FLCN: variants seen among roughly 807,000 people sequenced by gnomAD.
The protein encoded by FLCN is folliculin, also known as BHD skin lesion fibrofolliculoma protein.
Under a neutral mutation model 62.5 loss-of-function variants are expected in FLCN, and 22 were observed. The observed-to-expected ratio is 0.35, with a 90% CI of 0.25 to 0.50. FLCN has a LOEUF of 0.50. Among genes scored for constraint, FLCN ranks in the 20% least tolerant of loss-of-function variants. FLCN has a pLI of 0.97. For missense variants in FLCN, 657 were observed against 778.0 expected, an observed-to-expected ratio of 0.84 and a Z score of 1.85; for synonymous variants, 319 against 310.0, an observed-to-expected ratio of 1.03 and a Z score of -0.30.
chr17:17,227,796 A>AC (rs2047297465), intron 4 of FLCN, 93 bp downstream of exon 4: 2 of 1,575,358 alleles, frequency 1.3e-6, no homozygotes, highest in African/African-American at 2.7e-5. Context: ...AGTCTGTGTC[A>AC]CCCCGGGAGG....
chr17:17,223,454 C>A (rs559485169), intron 6 of FLCN, among the ~76,000 whole-genome samples: 1 of 152,182 alleles, frequency 6.6e-6, no homozygotes, highest in African/African-American at 2.4e-5. Context: ...GCAAGCAGAG[C>A]CCCACTCTCC....
intron 6 of FLCN, 115 bp downstream of exon 6, chr17:17,223,807 C>T (rs1353027183): frequency 1.9e-6 from 2 of 1,043,940 alleles, no homozygotes; most frequent in Admixed American, 2.0e-5. Flanking sequence ...ACACAGTGCA[C>T]TGGCTGTAAG....
chr17:17,226,112 C>T (rs765544542), intron 5 of FLCN, 64 bp downstream of exon 5: 2 of 1,609,828 alleles, frequency 1.2e-6, no homozygotes, highest in Non-Finnish European at 1.7e-6. Context: ...GCTCCGAGCC[C>T]ACCCAGAGCA....
intron 9 of FLCN, chr17:17,217,455 GTTAACT>G (rs2046960852): frequency 2.0e-6 from 1 of 511,290 alleles, no homozygotes; most frequent in African/African-American, 1.9e-5. Flanking sequence ...GCAAAAAGAT[GTTAACT>G]TTGTGCAATA....
rs761986268 is a variant in FLCN, at chr17:17,215,125, C to T, written c.1433-35G>A. On this transcript the variant is annotated intron_variant, in intron 12 of 13. Transcript: ENST00000285071. ...AGGGCAGGGGCAGAGCAAGGGCAGG[C>T]GTTAGCGCGGGGCGGGGGCATCTTC... 35 of 1,613,542 alleles carry T rather than the reference C, an allele frequency of 2.2e-5. No individual in the cohort carries two copies. The highest frequency in any genetic ancestry group is 1.6e-4 in the Middle Eastern group (1 of 6,082).
In FLCN at chr17:17,219,253, C is replaced by T. The variant is rs756872324; in HGVS notation, c.872-44G>A. ...GGACAGTTACAGATACAAACAGTCTCATCCTGTGACTTCAGCCCAAGATAC... is the reference window on the plus strand; with the variant it reads ...GGACAGTTACAGATACAAACAGTCTTATCCTGTGACTTCAGCCCAAGATAC... On this transcript the variant is annotated intron_variant, in intron 8 of 13. Coordinates refer to ENST00000285071, the MANE Select transcript of FLCN (RefSeq NM_144997.7). 3.8e-6 allele frequency: 6 copies of T among 1,599,094 alleles called. 1 individual carries two copies. The South Asian group carries it at 6.6e-5, about 18-fold the overall frequency.
In FLCN at chr17:17,213,938, C is replaced by T. The variant is rs1022916462; in HGVS notation, c.1539-82G>A. The T allele has an allele frequency of 1.0e-4, 149 of 1,463,702 alleles. 2 individuals carry two copies. The South Asian group carries it at 1.1e-3, about 11-fold the overall frequency. 90.7% of individuals were successfully genotyped at this position (1,463,702 alleles called of 1,614,324 possible). On this transcript the variant is annotated intron_variant, in intron 13 of 13. Coordinates refer to ENST00000285071, the MANE Select transcript of FLCN (RefSeq NM_144997.7). ...GTCACGGGGCCAACCAGGGGTGACA[C>T]GGCTTTGGCACCAGCAGGAGCTGTG...
At chr17:17,218,918 G>A in intron 9 of FLCN, 101 bp downstream of exon 9, 5 of 1,371,218 alleles carry the variant, frequency 3.6e-6, no homozygotes, top group Non-Finnish European at 2.0e-6. Context: ...TTCCTGCAGG[G>A]TTTTGAAGGT....
At chr17:17,233,088 C>T (rs2047469648) in intron 1 of FLCN, among the ~76,000 whole-genome samples, 187 bp from the exon 2 acceptor site, 1 of 152,178 alleles carries the variant, frequency 6.6e-6, no homozygotes, top group South Asian at 2.1e-4. Flanking sequence ...GACATTTTAG[C>T]TGAACTCTTG....
rs780982474 is a variant in FLCN at position 17,223,878 on chromosome 17, G to T, written c.618+44C>A. 4 of 1,604,232 alleles carry T rather than the reference G, an allele frequency of 2.5e-6. No individual in the cohort carries two copies. The South Asian group carries it at 3.3e-5, about 13-fold the overall frequency. On this transcript the variant is annotated intron_variant, in intron 6 of 13. Transcript: ENST00000285071. ...ACCTCAGCACAGAGCGGCTCATGCA[G>T]TGCAGGGCCCCCTGCCGCCCCGGCA...
rs1597618480 is a variant in FLCN at position 17,228,090 on chromosome 17, G to C, written c.48C>G (p.Pro16=). 6.2e-7 allele frequency: 1 copy of C among 1,613,550 alleles called. No homozygotes were observed. Among genetic ancestry groups the C allele is most frequent in the Non-Finnish European group, 8.5e-7 (1 of 1,180,040 alleles). Residue 16 remains proline (P), a synonymous_variant, in exon 4 of 14, where the codon CCC becomes CCG. Transcript: ENST00000285071. ...ALCHFCELHG[P]RTLFCTEVLH... ...GCACCTCCGTGCAGAAGAGAGTGCG[G>C]GGGCCGTGGAGCTCGCAGAAGTGGC...
chr17:17,230,079 G>A (rs2047375414), intron 3 of FLCN, among the ~76,000 whole-genome samples: 2 of 152,182 alleles, frequency 1.3e-5, no homozygotes. Context: ...TTCTGGAAAC[G>A]AGACCGCAAA....
At chr17:17,221,424 C>A in intron 8 of FLCN, 113 bp downstream of exon 8, 2 of 1,613,972 alleles carry the variant, frequency 1.2e-6, no homozygotes, top group Non-Finnish European at 1.7e-6. Context: ...TCGTTCTGGG[C>A]TGATTCAGAG....
At chr17:17,229,085 G>C (rs917526261) in intron 3 of FLCN, 1 of 153,206 alleles carries the variant, frequency 6.5e-6, no homozygotes, top group East Asian at 1.9e-4. Flanking sequence ...CAGTGCGGGT[G>C]GGGTGCAGAG....
At position 17,221,555 on chromosome 17, in the gene FLCN, G is replaced by A. The variant is rs879255667; in HGVS notation, c.853C>T (p.Gln285Ter). 2 of 1,613,022 alleles carry A rather than the reference G, an allele frequency of 1.2e-6. No homozygotes were observed. The highest frequency in any genetic ancestry group is 1.3e-5 in the African/African-American group (1 of 75,036). Residue 285 changes from glutamine to a stop codon, truncating the protein, a stop_gained, in exon 8 of 14, where the codon CAG becomes TAG. Transcript: ENST00000285071. LOFTEE classifies it high-confidence loss of function. ...GCCTCACCAGCGAGCTTCTCCATCT[G>A]GACCAAGGTATCCTCGGTCGGAGCA... is the stretch of plus-strand genomic sequence containing the variant. ...EGAPTEDTLV[Q>*]MEKLADLEEE...
chr17:17,230,793 C>T (rs1162314057), intron 3 of FLCN, among the ~76,000 whole-genome samples: 3 of 149,930 alleles, frequency 2.0e-5, no homozygotes, highest in African/African-American at 7.4e-5. Flanking sequence ...CTTGGGAGGC[C>T]TAGGCAGGAG....
intron 3 of FLCN, chr17:17,228,987 G>GAA (rs1375254099): frequency 1.3e-5 from 2 of 152,660 alleles, no homozygotes; most frequent in African/African-American, 4.8e-5. Context: ...AGGGGGCCAG[G>GAA]GTGGAGGTGG....
chr17:17,221,685 C>A, intron 7 of FLCN, 57 bp from the exon 8 acceptor site: 1 of 1,557,084 alleles, frequency 6.4e-7, no homozygotes, highest in Non-Finnish European at 8.7e-7. Context: ...GCAAACCTGA[C>A]GCTCACCCAG....
rs2046787785 is a variant in FLCN at position 17,212,384 on chromosome 17, G to C, written c.*1271C>G. 5.7e-6 allele frequency: 1 copy of C among 176,614 alleles called. No homozygotes were observed. Among genetic ancestry groups the C allele is most frequent in the Non-Finnish European group, 1.2e-5 (1 of 82,602 alleles). 10.9% of individuals were successfully genotyped at this position (176,614 alleles called of 1,614,324 possible). ...ATCCTTATTAAAAATGTATAGTGGG[G>C]GGTACCTGTAGCTGTATGTTGAAGC... On this transcript the variant is annotated 3_prime_UTR_variant, in exon 14 of 14. Transcript: ENST00000285071.
Sources: allele counts gnomAD v4.1 joint callset (sites outside exome capture counted in the v4.1 genomes callset), GRCh38; gene constraint gnomAD v4.1.1; transcripts MANE v1.5; gene names NCBI Gene and HGNC (gene_info 2026-07-23, HGNC 2026-07-21).